The following SEM1 variants were observed in gnomAD, a reference collection of about 807,000 sequenced individuals.
The protein encoded by SEM1 is 26S proteasome complex subunit SEM1.
Under a neutral mutation model 12.7 loss-of-function variants are expected in SEM1, and 3 were observed. The ratio of observed to expected loss-of-function variants is 0.24; its 90% CI spans 0.11 to 0.61. The LOEUF (loss-of-function observed/expected upper bound fraction) is 0.61, where lower values mean the gene tolerates loss of function less well. Among genes scored for constraint, SEM1 ranks in the 20% least tolerant of loss-of-function variants. The probability of loss-of-function intolerance (pLI) is 0.88; values close to 1 mark genes in which losing one functional copy is unlikely to be tolerated. For synonymous variants in SEM1, 30 were observed against 27.8 expected (o/e 1.08, Z -0.25); for missense variants, 59 against 81.3 (o/e 0.73, Z 1.06).
At chr7:96,693,177 C>T (rs1430873674) in intron 2 of SEM1, among the ~76,000 whole-genome samples, 1 of 149,916 alleles carries the variant, frequency 6.7e-6, no homozygotes, top group Non-Finnish European at 1.5e-5. Flanking sequence ...TAAACTATTT[C>T]ACTTTCTGTT....
chr7:96,685,929 A>T (rs1789749418), downstream of SEM1, among the ~76,000 whole-genome samples: 1 of 152,090 alleles, frequency 6.6e-6, no homozygotes, highest in South Asian at 2.1e-4. Context: ...ACAACTAATA[A>T]GTGGTCTAAT....
At chr7:96,687,724 G>C (rs1374103116), downstream of SEM1, among the ~76,000 whole-genome samples, 2 of 151,702 alleles carry the variant, frequency 1.3e-5, no homozygotes, top group African/African-American at 4.9e-5. Context: ...CATGGCACAT[G>C]TATACATATG....
intron 2 of SEM1, among the ~76,000 whole-genome samples, chr7:96,610,075 G>A (rs148286871): frequency 1.3e-5 from 2 of 151,770 alleles, no homozygotes; most frequent in East Asian, 1.9e-4. Context: ...TCCCCACTGA[G>A]GGAAACCATA....
chr7:96,623,502 G>A (rs118167379), intron 2 of SEM1, among the ~76,000 whole-genome samples: 17,294 of 145,894 alleles, frequency 0.12, 1,083 homozygotes, highest in Non-Finnish European at 0.14. Context: ...AGATAAATTT[G>A]TATAAATATA....
chr7:96,513,427 C>T (rs1394079323), intron 2 of SEM1, among the ~76,000 whole-genome samples: 1 of 152,126 alleles, frequency 6.6e-6, no homozygotes, highest in Non-Finnish European at 1.5e-5. Flanking sequence ...AAATCCAACA[C>T]TAGAGAAGTA....
At chr7:96,664,015 C>T (rs549533184) in intron 2 of SEM1, among the ~76,000 whole-genome samples, 1 of 152,288 alleles carries the variant, frequency 6.6e-6, no homozygotes, top group South Asian at 2.1e-4. Flanking sequence ...AAGAAACACT[C>T]CATTGAATGC....
At chr7:96,519,883 G>A (rs922546962) in intron 2 of SEM1, among the ~76,000 whole-genome samples, 2 of 152,082 alleles carry the variant, frequency 1.3e-5, no homozygotes, top group African/African-American at 4.8e-5. Flanking sequence ...GGAGTGAGAA[G>A]GAGCACCTAA....
chr7:96,522,713 A>G (rs1490429608), intron 2 of SEM1, among the ~76,000 whole-genome samples: 3 of 102,262 alleles, frequency 2.9e-5, no homozygotes, highest in East Asian at 6.1e-4. Flanking sequence ...CCCCGTCTCT[A>G]CTAAAAATAC....
chr7:96,687,076 C>T (rs1321123613), downstream of SEM1, among the ~76,000 whole-genome samples: 1 of 152,110 alleles, frequency 6.6e-6, no homozygotes, highest in Non-Finnish European at 1.5e-5. Flanking sequence ...CAAATCAAAA[C>T]CACAATGAGA....
chr7:96,523,022 T>C (rs1804336019), intron 2 of SEM1, among the ~76,000 whole-genome samples: 1 of 152,106 alleles, frequency 6.6e-6, no homozygotes, highest in South Asian at 2.1e-4. Context: ...CTTAACAATC[T>C]GTGAAGATGA....
At chr7:96,686,333 T>A (rs1397562648), downstream of SEM1, among the ~76,000 whole-genome samples, 2 of 152,170 alleles carry the variant, frequency 1.3e-5, no homozygotes, top group Non-Finnish European at 2.9e-5. Flanking sequence ...AATTTTGATA[T>A]TTAATTAAGG....
At chr7:96,606,481 G>A (rs1001013107) in intron 2 of SEM1, among the ~76,000 whole-genome samples, 6 of 152,132 alleles carry the variant, frequency 3.9e-5, no homozygotes, top group Non-Finnish European at 1.5e-5. Flanking sequence ...CTAAACTGAG[G>A]CTATGCCCAC....
intron 2 of SEM1, among the ~76,000 whole-genome samples, chr7:96,531,706 A>T (rs1394792648): frequency 1.3e-5 from 2 of 152,094 alleles, no homozygotes; most frequent in Non-Finnish European, 2.9e-5. Flanking sequence ...CATGACAAGG[A>T]TCAGAACATG....
intron 2 of SEM1, among the ~76,000 whole-genome samples, chr7:96,589,571 C>T (rs373666947): frequency 6.6e-6 from 1 of 152,172 alleles, no homozygotes; most frequent in South Asian, 2.1e-4. Context: ...CCCTCATTCC[C>T]TCTCCCATCT....
chr7:96,522,518 A>T (rs1270197848), intron 2 of SEM1, among the ~76,000 whole-genome samples: 1 of 151,302 alleles, frequency 6.6e-6, no homozygotes, highest in Non-Finnish European at 1.5e-5. Context: ...CCACCATGGG[A>T]CTACTGCCAT....
At chr7:96,539,172 G>C (rs142641330) in intron 2 of SEM1, among the ~76,000 whole-genome samples, 293 of 151,834 alleles carry the variant, frequency 1.9e-3, no homozygotes, top group Non-Finnish European at 3.4e-3. Context: ...GCTTGCAAGT[G>C]GATCCTTCCC....
At chr7:96,673,971 T>A (rs1180533731) in intron 2 of SEM1, 1 of 669,190 alleles carries the variant, frequency 1.5e-6, no homozygotes, top group Admixed American at 2.1e-5. Flanking sequence ...ACACCCCTTA[T>A]GCCCCAGTCC....
At chr7:96,517,146 G>A (rs1804119828) in intron 2 of SEM1, among the ~76,000 whole-genome samples, 3 of 152,104 alleles carry the variant, frequency 2.0e-5, no homozygotes, top group Admixed American at 2.0e-4. Context: ...CTGTAATGGT[G>A]GATACATATC....
intron 3 of SEM1, among the ~76,000 whole-genome samples, chr7:96,505,134 A>C (rs1414141681): frequency 6.6e-6 from 1 of 151,610 alleles, no homozygotes. Context: ...ACAGAGTCTC[A>C]CTCTGTCCCC....
Sources: gnomAD v4.1 joint callset for allele counts (sites outside exome capture counted in the v4.1 genomes callset) on GRCh38, gnomAD v4.1.1 for gene constraint, MANE v1.5 for transcripts, NCBI Gene and HGNC (gene_info 2026-07-23, HGNC 2026-07-21) for gene names.